CCDC171: variants seen among roughly 807,000 people sequenced by gnomAD.
CCDC171 encodes coiled-coil domain containing 171.
In CCDC171, 177 loss-of-function variants were observed where a neutral mutation model predicts 168.2. The observed-to-expected ratio is 1.05, with a 90% confidence interval of 0.93 to 1.19. The LOEUF is 1.19. CCDC171 is among the 50% of genes most tolerant of loss of function. The pLI, the probability that CCDC171 is intolerant of heterozygous loss-of-function variation, is 0.00. For missense variants in CCDC171, 1,991 were observed against 1,539.0 expected (o/e 1.29, Z -4.91); for synonymous variants, 687 against 540.8 (o/e 1.27, Z -3.75).
intron 24 of CCDC171, among the ~76,000 whole-genome samples, chr9:15,908,966 A>G (rs1823188548): frequency 6.6e-6 from 1 of 152,196 alleles, no homozygotes. Context: ...CATGCAAACT[A>G]TATCAACAAC....
At chr9:15,630,776 G>A in intron 7 of CCDC171, among the ~76,000 whole-genome samples, 1 of 152,248 alleles carries the variant, frequency 6.6e-6, no homozygotes. Context: ...TGGAAGTAAA[G>A]CTCTCCTCAG....
chr9:16,011,508 G>A (rs1307822432), intron 3 of CCDC171, among the ~76,000 whole-genome samples: 1 of 151,986 alleles, frequency 6.6e-6, no homozygotes, highest in East Asian at 1.9e-4. Flanking sequence ...AGGCAAAATG[G>A]TCTTTTCTGT....
chr9:15,944,007 C>T (rs907315848), intron 25 of CCDC171, among the ~76,000 whole-genome samples: 2 of 151,988 alleles, frequency 1.3e-5, no homozygotes, highest in Non-Finnish European at 2.9e-5. Flanking sequence ...TGCCACTAGC[C>T]TGTAAGAGAG....
Position 15,971,706 on chromosome 9 carries a change from A to T in CCDC171, c.3851A>T (p.Glu1284Val). The change falls in exon 26 of 26, where the codon GAA (glutamate) becomes GTA (valine). Residue 1284 changes from glutamate (E) to valine (V), a missense_variant. Physicochemically the swap from Glu to Val is moderately radical, Grantham distance 121. Coordinates refer to ENST00000380701, the MANE Select transcript of CCDC171 (RefSeq NM_173550.4). ...GGGGATTTCTTACCATTGAAAGCTG[A>T]ACTTGATACTACTTACACTTTCTTA... is the stretch of plus-strand genomic sequence containing the variant. The part of the protein sequence containing the change: ...GIGDFLPLKA[E>V]LDTTYTFLKE... 1.9e-6 allele frequency: 3 copies of T among 1,613,936 alleles called. No homozygotes were observed. Among genetic ancestry groups the T allele is most frequent in the Non-Finnish European group, 1.7e-6 (2 of 1,179,850 alleles).
chr9:16,032,938 C>G (rs557065390), intron 6 of CCDC171, among the ~76,000 whole-genome samples: 11 of 152,278 alleles, frequency 7.2e-5, no homozygotes, highest in African/African-American at 2.2e-4. Context: ...AGCCTTCTGT[C>G]TTAGTAAGCT....
At chr9:15,728,097 G>A in intron 15 of CCDC171, 61 bp downstream of exon 15, 7 of 1,288,090 alleles carry the variant, frequency 5.4e-6, no homozygotes, top group Non-Finnish European at 7.6e-6. Context: ...CCACATCACA[G>A]TATCATTAAG....
intron 25 of CCDC171, among the ~76,000 whole-genome samples, chr9:15,955,032 C>T (rs1829645873): frequency 6.6e-6 from 1 of 152,058 alleles, no homozygotes; most frequent in East Asian, 1.9e-4. Context: ...GAAAACTGAA[C>T]ATTTGAATAG....
chr9:15,874,991 C>A, intron 24 of CCDC171: 1 of 166,232 alleles, frequency 6.0e-6, no homozygotes, highest in Non-Finnish European at 1.3e-5. Context: ...TTAAGCAAGT[C>A]TCAATTTGTT....
intron 18 of CCDC171, among the ~76,000 whole-genome samples, chr9:15,768,960 T>A (rs939149646): frequency 2.0e-5 from 3 of 152,200 alleles, no homozygotes; most frequent in Admixed American, 1.3e-4. Context: ...CAGATTCTCA[T>A]CTGTTTGTAC....
At chr9:15,952,102 A>G (rs74848642) in intron 25 of CCDC171, among the ~76,000 whole-genome samples, 2 of 152,082 alleles carry the variant, frequency 1.3e-5, no homozygotes, top group African/African-American at 4.8e-5. Flanking sequence ...GCATGTGGAC[A>G]TGCAGTTCTC....
intron 21 of CCDC171, among the ~76,000 whole-genome samples, chr9:15,800,254 T>C (rs1287050749): frequency 6.6e-6 from 1 of 152,114 alleles, no homozygotes; most frequent in Non-Finnish European, 1.5e-5. Context: ...AGGTTCTTTT[T>C]TCTCCCTTGT....
At chr9:16,108,648 T>C in the CCDC171 span, among the ~76,000 whole-genome samples, 1 of 152,214 alleles carries the variant, frequency 6.6e-6, no homozygotes, top group Non-Finnish European at 1.5e-5. Context: ...ATATACTCAG[T>C]CCGAATAAAC....
At chr9:15,954,431 G>T (rs1407235170) in intron 25 of CCDC171, among the ~76,000 whole-genome samples, 1 of 151,474 alleles carries the variant, frequency 6.6e-6, no homozygotes, top group African/African-American at 2.4e-5. Context: ...TTCTTCTTTG[G>T]ACCATTGGTT....
chr9:15,801,652 G>C (rs77976236), intron 21 of CCDC171, among the ~76,000 whole-genome samples: 3,703 of 152,020 alleles, frequency 0.024, 165 homozygotes, highest in African/African-American at 0.086. Flanking sequence ...CCAGTACTAT[G>C]TCATGTAACA....
intron 4 of CCDC171, among the ~76,000 whole-genome samples, chr9:15,583,390 G>T (rs556262447): frequency 1.5e-5 from 2 of 135,632 alleles, no homozygotes; most frequent in South Asian, 2.4e-4. Flanking sequence ...CCAGTCTGGT[G>T]ACAGCGAGAC....
At position 15,851,810 on chromosome 9, in the gene CCDC171, A is replaced by C. The variant is rs566687930; in HGVS notation, c.3468+2863A>C. ...ATGGATTTTTCTGTTCTGGACATTTAATGTAAATGGAATAATACAATATGT... is the reference window on the plus strand; with the variant it reads ...ATGGATTTTTCTGTTCTGGACATTTCATGTAAATGGAATAATACAATATGT... On this transcript the variant is annotated intron_variant, in intron 23 of 25. Coordinates refer to ENST00000380701, the MANE Select transcript of CCDC171 (RefSeq NM_173550.4). 2.7e-4 allele frequency among the ~76,000 whole-genome samples: 41 copies of C among 151,992 alleles called. No individual in the cohort carries two copies. The South Asian group carries it at 6.8e-3, about 25-fold the overall frequency.
chr9:15,623,475 G>GCGCGCGCGCGCACACACACACACACA lies in CCDC171; in HGVS notation c.822+63_822+64insGCGCGCGCGCACACACACACACACAC. The stretch of plus-strand genomic sequence containing the variant: ...CAAACTTTCACATATGCGCGCGCGC[G>GCGCGCGCGCGCACACACACACACACA]CACACACACACACACACACACACAC... On this transcript the variant is annotated intron_variant, in intron 7 of 25. Transcript: ENST00000380701. 1.7e-4 allele frequency: 54 copies of GCGCGCGCGCGCACACACACACACACA among 315,476 alleles called. 1 individual carries two copies. Among genetic ancestry groups the GCGCGCGCGCGCACACACACACACACA allele is most frequent in the South Asian group, 9.6e-4 (17 of 17,640 alleles). The allele number at this position is 315,476 out of a possible 1,614,324, so 19.5% of individuals were successfully genotyped here. A position where few individuals can be genotyped will look rare whatever the true frequency, so the allele number is the denominator to read the frequency against.
chr9:15,754,222 A>G (rs1050736629), intron 18 of CCDC171, among the ~76,000 whole-genome samples: 2 of 152,170 alleles, frequency 1.3e-5, no homozygotes, highest in African/African-American at 4.8e-5. Context: ...ACATTATTGT[A>G]TGGTAGAGAG....
At chr9:15,731,553 G>A (rs1321753091) in intron 16 of CCDC171, among the ~76,000 whole-genome samples, 1 of 152,024 alleles carries the variant, frequency 6.6e-6, no homozygotes, top group Non-Finnish European at 1.5e-5. Flanking sequence ...CTTCTTTATG[G>A]TCACTAGCGT....
Sources: allele counts gnomAD v4.1 joint callset (sites outside exome capture counted in the v4.1 genomes callset), GRCh38; gene constraint gnomAD v4.1.1; transcripts MANE v1.5; gene names NCBI Gene and HGNC (gene_info 2026-07-23, HGNC 2026-07-21).